PPP2R3C: variants seen among roughly 807,000 people sequenced by gnomAD.
PPP2R3C encodes serine/threonine-protein phosphatase 2A regulatory subunit B'' subunit gamma.
Under a neutral mutation model 63.7 loss-of-function variants are expected in PPP2R3C, and 47 were observed. That is an observed-to-expected ratio of 0.74 (90% CI 0.58 to 0.94). PPP2R3C has a LOEUF of 0.94. Among genes scored for constraint, PPP2R3C ranks in the 40% least tolerant of loss-of-function variants. The pLI is 0.00. For missense variants in PPP2R3C, 421 were observed against 518.4 expected, an observed-to-expected ratio of 0.81 and a Z score of 1.82; for synonymous variants, 180 against 177.4, an observed-to-expected ratio of 1.01 and a Z score of -0.12.
At chr14:35,107,255 T>C (rs776696019) in intron 6 of PPP2R3C, 49 bp downstream of exon 6, 1 of 1,400,102 alleles carries the variant, frequency 7.1e-7, no homozygotes, top group Non-Finnish European at 1.0e-6. Context: ...ACAGTTTACA[T>C]TTTAGTGTCT....
chr14:35,116,742 TAACAA>T lies in PPP2R3C; in HGVS notation c.59-10_59-6del. Reference sequence around the variant, plus strand: ...ATTCTTGTTCACTTTTTTTTTCTGGTAACAAAACAGATTAAGGGGAGCACTTTTAA... The same window carrying T: ...ATTCTTGTTCACTTTTTTTTTCTGGTAACAGATTAAGGGGAGCACTTTTAA... On this transcript the variant is annotated splice_region_variant and splice_polypyrimidine_tract_variant and intron_variant, in intron 1 of 12. Coordinates refer to ENST00000261475, the MANE Select transcript of PPP2R3C (RefSeq NM_017917.4). The T allele has an allele frequency of 6.3e-7, 1 of 1,575,660 alleles. No individual in the cohort carries two copies. Among genetic ancestry groups the T allele is most frequent in the Non-Finnish European group, 8.6e-7 (1 of 1,157,856 alleles).
intron 10 of PPP2R3C, among the ~76,000 whole-genome samples, chr14:35,091,933 T>G (rs563922780): frequency 4.3e-4 from 65 of 152,090 alleles, no homozygotes; most frequent in African/African-American, 1.5e-3. Flanking sequence ...TTACCCAAGC[T>G]GGTCTCAAAC....
chr14:35,091,392 G>GT (rs1489657189), intron 10 of PPP2R3C, among the ~76,000 whole-genome samples, 185 bp from the exon 11 acceptor site: 1 of 152,128 alleles, frequency 6.6e-6, no homozygotes, highest in Non-Finnish European at 1.5e-5. Context: ...TCGAGACAGA[G>GT]TTTCACTCTC....
chr14:35,099,091 G>A (rs2046101895), intron 7 of PPP2R3C, 161 bp downstream of exon 7: 4 of 930,826 alleles, frequency 4.3e-6, no homozygotes, highest in Non-Finnish European at 6.0e-6. Context: ...CCAAAGTACT[G>A]CTACTGTTTT....
At chr14:35,092,968 C>CG (rs1416759795) in intron 10 of PPP2R3C, among the ~76,000 whole-genome samples, 3 of 151,872 alleles carry the variant, frequency 2.0e-5, no homozygotes, top group South Asian at 2.1e-4. Flanking sequence ...ATACGCACTT[C>CG]GGGGGGCCGA....
chr14:35,106,663 ATTTT>A (rs35661935), intron 6 of PPP2R3C, among the ~76,000 whole-genome samples: 29 of 100,382 alleles, frequency 2.9e-4, no homozygotes, highest in African/African-American at 8.2e-4. Flanking sequence ...CAGCCAATAC[ATTTT>A]TTTTTTTTTT....
At chr14:35,107,449 G>C (rs2046400428) in intron 5 of PPP2R3C, 75 bp from the exon 6 acceptor site, 1 of 1,200,088 alleles carries the variant, frequency 8.3e-7, no homozygotes, top group Non-Finnish European at 1.2e-6. Context: ...TAAAGAGCCA[G>C]ATTTGAGACA....
At chr14:35,113,574 C>CCA (rs2046626680) in intron 2 of PPP2R3C, among the ~76,000 whole-genome samples, 1 of 152,092 alleles carries the variant, frequency 6.6e-6, no homozygotes, top group Non-Finnish European at 1.5e-5. Context: ...CAGCTCACTC[C>CCA]CACTATGGCA....
intron 10 of PPP2R3C, among the ~76,000 whole-genome samples, chr14:35,094,481 T>TAA (rs76520532): frequency 2.8e-5 from 4 of 144,530 alleles, no homozygotes; most frequent in Admixed American, 1.4e-4. Context: ...AGCTTTTTTT[T>TAA]AAAAAAAAAA....
chr14:35,092,046 G>A (rs2045837921), intron 10 of PPP2R3C, among the ~76,000 whole-genome samples: 1 of 150,858 alleles, frequency 6.6e-6, no homozygotes, highest in Non-Finnish European at 1.5e-5. Flanking sequence ...TGAGAGATTT[G>A]CTGTGTTAAA....
chr14:35,096,438 C>A, intron 9 of PPP2R3C, 120 bp downstream of exon 9: 1 of 963,806 alleles, frequency 1.0e-6, no homozygotes, highest in Non-Finnish European at 1.6e-6. Context: ...AATACTAAAG[C>A]TTAAGGTAAT....
chr14:35,099,091 GCTA>G, intron 7 of PPP2R3C, 158 bp downstream of exon 7: 1 of 930,826 alleles, frequency 1.1e-6, no homozygotes, highest in Non-Finnish European at 1.5e-6. Context: ...CCAAAGTACT[GCTA>G]CTGTTTTTTC....
intron 11 of PPP2R3C, among the ~76,000 whole-genome samples, chr14:35,089,951 C>A (rs1164463750): frequency 1.3e-5 from 2 of 152,134 alleles, no homozygotes; most frequent in Middle Eastern, 3.4e-3. Flanking sequence ...AGGCATGAGC[C>A]ACCGCAACCC....
At chr14:35,108,550 A>C in intron 4 of PPP2R3C, among the ~76,000 whole-genome samples, 1 of 152,062 alleles carries the variant, frequency 6.6e-6, no homozygotes, top group Middle Eastern at 3.2e-3. Context: ...AAAAATACAA[A>C]AAGTATTTGT....
chr14:35,113,214 C>G (rs1409977741), intron 2 of PPP2R3C: 3 of 152,772 alleles, frequency 2.0e-5, no homozygotes, highest in African/African-American at 7.2e-5. Flanking sequence ...ACATTGTGTT[C>G]TAGTGGCTAG....
At chr14:35,090,097 TAC>T (rs1363435244) in intron 11 of PPP2R3C, among the ~76,000 whole-genome samples, 12 of 152,316 alleles carry the variant, frequency 7.9e-5, no homozygotes, top group South Asian at 2.1e-4. Flanking sequence ...TATGTAAATA[TAC>T]GTCAGGGGCT....
intron 11 of PPP2R3C, among the ~76,000 whole-genome samples, chr14:35,089,889 T>A (rs1477940610): frequency 6.6e-6 from 1 of 151,956 alleles, no homozygotes; most frequent in Non-Finnish European, 1.5e-5. Flanking sequence ...ATGGTTTTGA[T>A]CTCCTGACCT....
At chr14:35,112,395 ACCCAGC>A (rs945586490) in intron 2 of PPP2R3C, among the ~76,000 whole-genome samples, 1 of 152,096 alleles carries the variant, frequency 6.6e-6, no homozygotes, top group African/African-American at 2.4e-5. Context: ...GAGCCACCAC[ACCCAGC>A]CAGAATAATT....
In PPP2R3C at chr14:35,095,717, G is replaced by A. The variant is rs1003674453; in HGVS notation, c.839-533C>T. 5.3e-5 allele frequency among the ~76,000 whole-genome samples: 8 copies of A among 151,554 alleles called. No individual in the cohort carries two copies. The East Asian group carries it at 5.8e-4, about 11-fold the overall frequency. On this transcript the variant is annotated intron_variant, in intron 9 of 12. Coordinates refer to ENST00000261475, the MANE Select transcript of PPP2R3C (RefSeq NM_017917.4). ...AAAAAAACATTAGCCGGGTGTGGTG[G>A]CGAGCGCCTGTAATCCCAGGTACTT...
Sources: allele counts gnomAD v4.1 joint callset (sites outside exome capture counted in the v4.1 genomes callset), GRCh38; gene constraint gnomAD v4.1.1; transcripts MANE v1.5; gene names NCBI Gene and HGNC (gene_info 2026-07-23, HGNC 2026-07-21).